The following TPGS2 variants were observed in gnomAD, a reference collection of about 807,000 sequenced individuals.
The protein encoded by TPGS2 is polyglutamylase subunit 2.
In TPGS2, 26 loss-of-function variants were observed where a neutral mutation model predicts 31.1. The ratio of observed to expected loss-of-function variants is 0.84; its 90% CI spans 0.61 to 1.16. The LOEUF (loss-of-function observed/expected upper bound fraction) is 1.16. TPGS2 is among the 50% of genes most tolerant of loss of function. The probability of loss-of-function intolerance (pLI) is 0.00; values close to 1 mark genes in which losing one functional copy is unlikely to be tolerated. For synonymous variants in TPGS2, 130 were observed against 136.6 expected, an observed-to-expected ratio of 0.95 and a Z score of 0.34; for missense variants, 351 against 363.8, an observed-to-expected ratio of 0.96 and a Z score of 0.29.
chr18:36,805,346 A>T, intron 4 of TPGS2, 28 bp downstream of exon 4: 1 of 1,611,220 alleles, frequency 6.2e-7, no homozygotes, highest in Non-Finnish European at 8.5e-7. Context: ...TGCTGGAAAC[A>T]AAGATACCAA....
chr18:36,804,256 A>C (rs2044994567), intron 4 of TPGS2, among the ~76,000 whole-genome samples: 1 of 152,220 alleles, frequency 6.6e-6, no homozygotes, highest in Non-Finnish European at 1.5e-5. Context: ...AAAATGCATG[A>C]ATCTAGCAGG....
intron 6 of TPGS2, among the ~76,000 whole-genome samples, chr18:36,784,259 G>T (rs1010682194): frequency 2.0e-5 from 3 of 152,224 alleles, no homozygotes; most frequent in Admixed American, 2.0e-4. Context: ...CCGCGCACCC[G>T]TTATGGAGGT....
intron 1 of TPGS2, among the ~76,000 whole-genome samples, chr18:36,819,433 T>A (rs566869782): frequency 1.3e-5 from 2 of 152,368 alleles, no homozygotes; most frequent in African/African-American, 4.8e-5. Flanking sequence ...CTGTGAGGTC[T>A]AGGATTTCAA....
At position 36,796,306 on chromosome 18, in the gene TPGS2, A is replaced by G. The variant is rs886328624; in HGVS notation, c.*499T>C. ...CTTTCTGTGGTGATGGAAATGTTCC[A>G]TATCTTTGTGCTAATACAGAATCTA... On this transcript the variant is annotated 3_prime_UTR_variant, in exon 7 of 7. Coordinates refer to ENST00000334295, the MANE Select transcript of TPGS2 (RefSeq NM_015476.4). The G allele has an allele frequency of 6.1e-6, 6 of 981,098 alleles. No homozygotes were observed. Among genetic ancestry groups the G allele is most frequent in the Non-Finnish European group, 6.1e-6 (5 of 826,060 alleles). 60.8% of individuals were successfully genotyped at this position (981,098 alleles called of 1,614,324 possible).
At chr18:36,792,942 T>C (rs1177750410), downstream of TPGS2, among the ~76,000 whole-genome samples, 15 of 152,254 alleles carry the variant, frequency 9.9e-5, no homozygotes, top group Admixed American at 9.8e-4. Flanking sequence ...ATTTATAATA[T>C]AGCCCATTTC....
intron 6 of TPGS2, among the ~76,000 whole-genome samples, chr18:36,784,050 G>A (rs1020774562): frequency 6.6e-6 from 1 of 152,034 alleles, no homozygotes; most frequent in Non-Finnish European, 1.5e-5. Flanking sequence ...GCTGTAAAAG[G>A]CAAGGAATAG....
At chr18:36,782,643 C>T (rs377668565), downstream of TPGS2, among the ~76,000 whole-genome samples, 1 of 152,016 alleles carries the variant, frequency 6.6e-6, no homozygotes, top group South Asian at 2.1e-4. Flanking sequence ...TTGAGAACTT[C>T]GCAAAACCAG....
chr18:36,810,421 G>A (rs1043569325), intron 2 of TPGS2, among the ~76,000 whole-genome samples: 12 of 152,184 alleles, frequency 7.9e-5, no homozygotes, highest in African/African-American at 2.9e-4. Flanking sequence ...CCTGAAAAGA[G>A]TTTGCTTTTC....
intron 1 of TPGS2, among the ~76,000 whole-genome samples, chr18:36,819,753 C>T (rs1273273240): frequency 6.6e-6 from 1 of 152,120 alleles, no homozygotes; most frequent in Non-Finnish European, 1.5e-5. Flanking sequence ...CCCACCCCCA[C>T]AAAAATAGAT....
At chr18:36,822,205 G>A (rs901047967) in intron 1 of TPGS2, among the ~76,000 whole-genome samples, 2 of 152,192 alleles carry the variant, frequency 1.3e-5, no homozygotes, top group Non-Finnish European at 2.9e-5. Context: ...TGGAAGTTGA[G>A]GCTTAAATAG....
intron 1 of TPGS2, among the ~76,000 whole-genome samples, chr18:36,826,071 CTT>C (rs2046122573): frequency 6.6e-6 from 1 of 152,084 alleles, no homozygotes; most frequent in Non-Finnish European, 1.5e-5. Context: ...GGGTCTCACT[CTT>C]GTTGCCCGGG....
intron 4 of TPGS2, among the ~76,000 whole-genome samples, chr18:36,800,580 T>C (rs2044756903): frequency 1.3e-5 from 2 of 152,332 alleles, no homozygotes; most frequent in South Asian, 4.1e-4. Flanking sequence ...TTCTTGGAAG[T>C]GGGACCACAG....
At chr18:36,811,085 T>A (rs955444158) in intron 2 of TPGS2, among the ~76,000 whole-genome samples, 3 of 152,144 alleles carry the variant, frequency 2.0e-5, no homozygotes, top group Non-Finnish European at 4.4e-5. Flanking sequence ...TCTGCAACCA[T>A]GGCCAGGTGA....
downstream of TPGS2, among the ~76,000 whole-genome samples, chr18:36,781,057 A>G (rs931310554): frequency 4.6e-5 from 7 of 152,234 alleles, no homozygotes; most frequent in Admixed American, 3.3e-4. Context: ...TATGTGGTCT[A>G]TAGTGAACCA....
chr18:36,800,215 T>C lies in TPGS2; in HGVS notation c.479A>G (p.Tyr160Cys), dbSNP rs772583741. Residue 160 changes from tyrosine to cysteine, a missense_variant, in exon 5 of 7, where the codon TAC becomes TGC. Coordinates refer to ENST00000334295, the MANE Select transcript of TPGS2 (RefSeq NM_015476.4). ...ATTCTTACCTGGTTTCCCACTTTTG[T>C]AGACAAGGCAAACTTTCCCACTGCC... ...CNGSGKVCLV[Y>C]KSGKPALAED... 8.1e-6 allele frequency: 13 copies of C among 1,614,116 alleles called. No homozygotes were observed. The highest frequency in any genetic ancestry group is 2.2e-5 in the South Asian group (2 of 91,068).
At chr18:36,790,131 TCAGCAGAGTC>T (rs947651524), downstream of TPGS2, 14 of 152,244 alleles carry the variant, frequency 9.2e-5, no homozygotes, top group African/African-American at 3.4e-4. Context: ...CAGTCTCTCC[TCAGCAGAGTC>T]CACATCAGAC....
chr18:36,799,387 C>A (rs908265856), intron 5 of TPGS2, among the ~76,000 whole-genome samples: 1 of 152,166 alleles, frequency 6.6e-6, no homozygotes, highest in Non-Finnish European at 1.5e-5. Context: ...CTCCTCCTCA[C>A]CCCCTACATG....
At chr18:36,821,775 C>T (rs966120588) in intron 1 of TPGS2, among the ~76,000 whole-genome samples, 3 of 152,234 alleles carry the variant, frequency 2.0e-5, no homozygotes, top group African/African-American at 4.8e-5. Context: ...AAACTGCACA[C>T]AGCTGATCTG....
chr18:36,793,096 G>A (rs2044371052), downstream of TPGS2, among the ~76,000 whole-genome samples: 1 of 152,216 alleles, frequency 6.6e-6, no homozygotes, highest in South Asian at 2.1e-4. Flanking sequence ...TGGGTGACCT[G>A]TGCAGTCACA....
Sources: gnomAD v4.1 joint callset for allele counts (sites outside exome capture counted in the v4.1 genomes callset) on GRCh38, gnomAD v4.1.1 for gene constraint, MANE v1.5 for transcripts, NCBI Gene and HGNC (gene_info 2026-07-23, HGNC 2026-07-21) for gene names.